The following MRPL20 variants were observed in gnomAD, a reference collection of about 807,000 sequenced individuals.
The protein encoded by MRPL20 is large ribosomal subunit protein bL20m.
MRPL20 carries 21 observed loss-of-function variants against 20.0 expected under a neutral mutation model. The observed-to-expected ratio is 1.05, with a 90% confidence interval of 0.74 to 1.51. The LOEUF is 1.51. MRPL20 is among the 40% of genes most tolerant of loss of function. The pLI, the probability that MRPL20 is intolerant of heterozygous loss-of-function variation, is 0.00. For missense variants in MRPL20, 252 were observed against 185.6 expected (o/e 1.36, Z -2.08); for synonymous variants, 104 against 73.0 (o/e 1.43, Z -2.17).
intron 3 of MRPL20, among the ~76,000 whole-genome samples, chr1:1,404,379 C>T (rs1199615765): frequency 6.6e-6 from 1 of 151,504 alleles, no homozygotes; most frequent in East Asian, 1.9e-4. Flanking sequence ...TGGTCTCGAT[C>T]TCCTGACCTT....
At chr1:1,402,361 G>A (rs939671751) in intron 3 of MRPL20, 105 bp from the exon 4 acceptor site, 35 of 1,451,346 alleles carry the variant, frequency 2.4e-5, no homozygotes, top group Non-Finnish European at 3.0e-5. Flanking sequence ...ACACTCGCCT[G>A]GGGGGAGGGA....
chr1:1,401,945 A>C lies in MRPL20; in HGVS notation c.*138T>G. The C allele has an allele frequency of 1.0e-6, 1 of 987,364 alleles. No homozygotes were observed. The highest frequency in any genetic ancestry group is 1.5e-6 in the Non-Finnish European group (1 of 673,834). 61.2% of individuals were successfully genotyped at this position (987,364 alleles called of 1,614,324 possible). ...TGAGTTTCATTCACACAAAACATGG[A>C]CATCATCTGTGAGGCTCTGTCCCAG... is the stretch of plus-strand genomic sequence containing the variant. On this transcript the variant is annotated 3_prime_UTR_variant, in exon 4 of 4. Transcript: ENST00000344843.
At chr1:1,404,154 T>C (rs895642727) in intron 3 of MRPL20, among the ~76,000 whole-genome samples, 1 of 151,684 alleles carries the variant, frequency 6.6e-6, no homozygotes, top group Non-Finnish European at 1.5e-5. Flanking sequence ...CTCATTGTTT[T>C]AACTTTTTTT....
chr1:1,402,025 A>C lies in MRPL20; in HGVS notation c.*58T>G. 6.4e-7 allele frequency: 1 copy of C among 1,554,248 alleles called. No homozygotes were observed. The highest frequency in any genetic ancestry group is 8.7e-7 in the Non-Finnish European group (1 of 1,146,472). On this transcript the variant is annotated 3_prime_UTR_variant, in exon 4 of 4. Coordinates refer to ENST00000344843, the MANE Select transcript of MRPL20 (RefSeq NM_017971.4). Reference sequence around the variant, plus strand: ...TTGGGTTGTAGATAAACAAAAGTATAAATCAAACAAACTGCAAATTACTCT... The same window carrying C: ...TTGGGTTGTAGATAAACAAAAGTATCAATCAAACAAACTGCAAATTACTCT...
chr1:1,404,831 T>C (rs139904601), intron 3 of MRPL20, among the ~76,000 whole-genome samples: 1,798 of 152,228 alleles, frequency 0.012, 8 homozygotes, highest in South Asian at 0.026. Flanking sequence ...AGACGTGCCC[T>C]GTTTCCAATT....
At chr1:1,406,345 G>A (rs1280933702) in intron 2 of MRPL20, 8 of 176,314 alleles carry the variant, frequency 4.5e-5, no homozygotes, top group Admixed American at 1.7e-4. Flanking sequence ...GCGAGACTCC[G>A]TCTCGGGGTA....
At chr1:1,402,443 A>C (rs1174187072) in intron 3 of MRPL20, 187 bp from the exon 4 acceptor site, 1 of 1,369,674 alleles carries the variant, frequency 7.3e-7, no homozygotes, top group Non-Finnish European at 9.4e-7. Context: ...ATAAATGTGG[A>C]CACGGGTGAG....
intron 3 of MRPL20, among the ~76,000 whole-genome samples, chr1:1,403,240 CCTTT>C (rs35371925): frequency 0.16 from 24,075 of 151,612 alleles, 2,958 homozygotes; most frequent in African/African-American, 0.34. Context: ...AAGTCTGTCT[CCTTT>C]CTTTCTTTCT....
chr1:1,401,942 T>C lies in MRPL20; in HGVS notation c.*141A>G. The C allele has an allele frequency of 1.0e-6, 1 of 973,208 alleles. No homozygotes were observed. Among genetic ancestry groups the C allele is most frequent in the East Asian group, 2.5e-5 (1 of 39,976 alleles). 60.3% of individuals were successfully genotyped at this position (973,208 alleles called of 1,614,324 possible). On this transcript the variant is annotated 3_prime_UTR_variant, in exon 4 of 4. Coordinates refer to ENST00000344843, the MANE Select transcript of MRPL20 (RefSeq NM_017971.4). The stretch of plus-strand genomic sequence containing the variant: ...GTTTGAGTTTCATTCACACAAAACA[T>C]GGACATCATCTGTGAGGCTCTGTCC...
At chr1:1,404,889 C>T (rs560768496) in intron 3 of MRPL20, among the ~76,000 whole-genome samples, 15 of 152,314 alleles carry the variant, frequency 9.8e-5, no homozygotes, top group Non-Finnish European at 1.9e-4. Flanking sequence ...CTGCCAGAAC[C>T]CCACACCAAG....
intron 3 of MRPL20, chr1:1,405,484 C>T: frequency 3.3e-6 from 2 of 602,416 alleles, no homozygotes; most frequent in Admixed American, 2.9e-5. Context: ...CTATGTTGCC[C>T]AGGCTGTTGC....
At chr1:1,402,833 A>G (rs983723583) in intron 3 of MRPL20, among the ~76,000 whole-genome samples, 4 of 151,980 alleles carry the variant, frequency 2.6e-5, no homozygotes, top group Admixed American at 2.0e-4. Context: ...AAAATACAAG[A>G]AAAAAAACCA....
chr1:1,402,326 G>A (rs1244598601), intron 3 of MRPL20, 70 bp from the exon 4 acceptor site: 64 of 1,515,708 alleles, frequency 4.2e-5, no homozygotes, highest in Non-Finnish European at 5.3e-5. Flanking sequence ...TGGTTGCGGC[G>A]CTGGCTCAGG....
rs778682635 is a variant in MRPL20, at chr1:1,407,201, G to A, written c.17C>T (p.Ala6Val). Residue 6 changes from alanine to valine, a missense_variant, in exon 1 of 4, where the codon GCG becomes GTG. Physicochemically the swap from Ala to Val is moderately conservative, Grantham distance 64. Transcript: ENST00000344843. MVFLT[A>V]QLWLRNRVTD... is the part of the protein sequence containing the mutation. ...GACGCGATTCCGCAGCCAGAGCTGC[G>A]CGGTGAGGAAGACCATGGCGCCTGC... 1.1e-5 allele frequency: 18 copies of A among 1,604,594 alleles called. No individual in the cohort carries two copies. Among genetic ancestry groups the A allele is most frequent in the African/African-American group, 2.7e-5 (2 of 74,790 alleles).
intron 3 of MRPL20, 135 bp downstream of exon 3, chr1:1,405,674 C>G: frequency 6.7e-7 from 1 of 1,493,970 alleles, no homozygotes; most frequent in South Asian, 1.1e-5. Context: ...AAACTACAGC[C>G]CAGAAGTCAG....
intron 3 of MRPL20, among the ~76,000 whole-genome samples, chr1:1,404,394 T>A (rs1645363851): frequency 6.6e-6 from 1 of 151,894 alleles, no homozygotes; most frequent in Admixed American, 6.6e-5. Context: ...GACCTTGTGA[T>A]CCACCTGCCT....
intron 3 of MRPL20, chr1:1,402,601 C>G (rs1347916348): frequency 1.9e-6 from 2 of 1,035,258 alleles, no homozygotes; most frequent in Admixed American, 5.3e-5. Context: ...CCTGGAAGTG[C>G]CTGCAAGAAC....
chr1:1,407,158 C>G lies in MRPL20; in HGVS notation c.60G>C (p.Arg20=), dbSNP rs754015138. Residue 20 remains arginine, a synonymous_variant, in exon 1 of 4, where the codon CGG becomes CGC. Coordinates refer to ENST00000344843, the MANE Select transcript of MRPL20 (RefSeq NM_017971.4). The part of the protein sequence containing the change: ...LRNRVTDRYF[R]IQEVLKHARH... ...TGGCGTGCTTCAGCACCTCCTGGAT[C>G]CGAAAGTAGCGGTCGGTGACGCGAT... 2 of 1,608,386 alleles carry G rather than the reference C, an allele frequency of 1.2e-6. No individual in the cohort carries two copies. The highest frequency in any genetic ancestry group is 1.7e-6 in the Non-Finnish European group (2 of 1,177,586).
chr1:1,407,251 A>G lies in MRPL20; in HGVS notation c.-34T>C. ...CAGGCCGGCGTCCCGAACACTCAAC[A>G]ACGCACGCGCAGCGCCGCTGCCATC... On this transcript the variant is annotated 5_prime_UTR_variant, in exon 1 of 4. Transcript: ENST00000344843. 1 of 1,538,000 alleles carries G rather than the reference A, an allele frequency of 6.5e-7. No homozygotes were observed. The highest frequency in any genetic ancestry group is 8.8e-7 in the Non-Finnish European group (1 of 1,130,650).
Sources: allele counts gnomAD v4.1 joint callset (sites outside exome capture counted in the v4.1 genomes callset), GRCh38; gene constraint gnomAD v4.1.1; transcripts MANE v1.5; gene names NCBI Gene and HGNC (gene_info 2026-07-23, HGNC 2026-07-21).